The following AREL1 variants were observed in gnomAD, a reference collection of about 807,000 sequenced individuals.
AREL1 encodes apoptosis resistant E3 ubiquitin protein ligase 1.
Under a neutral mutation model 99.0 loss-of-function variants are expected in AREL1, and 62 were observed. The ratio of observed to expected loss-of-function variants is 0.63; its 90% confidence interval spans 0.51 to 0.77. The LOEUF (loss-of-function observed/expected upper bound fraction) is 0.77, where lower values mean the gene tolerates loss of function less well. Among genes scored for constraint, AREL1 ranks in the 30% least tolerant of loss-of-function variants. AREL1 has a pLI of 0.00. For missense variants in AREL1, 879 were observed against 1,027.6 expected, an observed-to-expected ratio of 0.86 and a Z score of 1.98; for synonymous variants, 380 against 376.5, an observed-to-expected ratio of 1.01 and a Z score of -0.11.
intron 1 of AREL1, among the ~76,000 whole-genome samples, chr14:74,696,296 A>G (rs1224809003): frequency 6.6e-6 from 1 of 152,252 alleles, no homozygotes; most frequent in Non-Finnish European, 1.5e-5. Flanking sequence ...TAGGAAAAGA[A>G]TTACAAAACT....
At chr14:74,675,658 T>C (rs1047303952) in intron 8 of AREL1, 41 bp downstream of exon 8, 6 of 1,597,560 alleles carry the variant, frequency 3.8e-6, no homozygotes, top group Non-Finnish European at 5.1e-6. Context: ...TACACACAGG[T>C]TCAAGCAGGG....
intron 1 of AREL1, among the ~76,000 whole-genome samples, chr14:74,702,218 T>C (rs182682564): frequency 6.2e-4 from 95 of 152,244 alleles, no homozygotes; most frequent in African/African-American, 2.0e-3. Flanking sequence ...CAACCCCACA[T>C]TTCCCCCCAA....
In AREL1 at chr14:74,663,964, G is replaced by A. The variant is rs759974019; in HGVS notation, c.2304C>T (p.Ala768=). The A allele has an allele frequency of 5.0e-6, 8 of 1,614,032 alleles. No homozygotes were observed. Among genetic ancestry groups the A allele is most frequent in the Non-Finnish European group, 6.8e-6 (8 of 1,180,028 alleles). The part of the protein sequence containing the change: ...SSQLPPGGFA[A]LCPSFQIIAA... ...CAATAATCTGAAATGAGGGACAGAG[G>A]GCGGCAAAGCCTCCAGGTGGTAGCT... The change falls in exon 19 of 20, where the codon GCC becomes GCT. Residue 768 remains alanine, a synonymous_variant. Transcript: ENST00000356357.
At chr14:74,690,968 T>A (rs1184610433) in intron 2 of AREL1, 1 of 151,848 alleles carries the variant, frequency 6.6e-6, no homozygotes, top group Non-Finnish European at 1.5e-5. Flanking sequence ...AAGCTGGGCT[T>A]AAGGTTGCTG....
intron 2 of AREL1, 143 bp from the exon 3 acceptor site, chr14:74,685,803 G>C (rs2089736170): frequency 1.5e-6 from 1 of 662,990 alleles, no homozygotes; most frequent in Admixed American, 2.9e-5. Context: ...TTTCTAGCTT[G>C]ACAGGTGCCG....
In AREL1 at chr14:74,667,609, A is replaced by G; in HGVS notation, c.1915-15T>C. On this transcript the variant is annotated splice_polypyrimidine_tract_variant and intron_variant, in intron 15 of 19. Transcript: ENST00000356357. Reference sequence around the variant, plus strand: ...AGTTCTACAACCTGTAACAGGCAGCAAAAGACAGACAAGGGAGAGGCTGTG... The same window carrying G: ...AGTTCTACAACCTGTAACAGGCAGCGAAAGACAGACAAGGGAGAGGCTGTG... 1 of 1,592,342 alleles carries G rather than the reference A, an allele frequency of 6.3e-7. No homozygotes were observed. Among genetic ancestry groups the G allele is most frequent in the Non-Finnish European group, 8.6e-7 (1 of 1,168,222 alleles).
At position 74,664,879 on chromosome 14, in the gene AREL1, G is replaced by A. The variant is rs370811935; in HGVS notation, c.2150C>T (p.Ala717Val). Residue 717 changes from alanine to valine, a missense_variant, in exon 18 of 20, where the codon GCC becomes GTC. Coordinates refer to ENST00000356357, the MANE Select transcript of AREL1 (RefSeq NM_001039479.2). The part of the protein sequence containing the change: ...TGDISVSDFK[A>V]HAVVVGGSWH... ...TGAGCCACCAACAACTACTGCATGG[G>A]CTTTGAAGTCAGACACACTGATGTC... The A allele has an allele frequency of 8.1e-6, 13 of 1,613,758 alleles. No homozygotes were observed. The African/African-American group carries it at 1.5e-4, about 18-fold the overall frequency.
rs1438654290 is a variant in AREL1 at position 74,676,301 on chromosome 14, CTCT to C, written c.669_671del (p.Glu224del). On this transcript the variant is annotated inframe_deletion, in exon 7 of 20. Transcript: ENST00000356357. ...ATTTCTCAAATGAGACACCAGTACT[CTCT>C]TCTTCTTGAGGGCCGAGCTATAGGA... The C allele has an allele frequency of 3.1e-6, 5 of 1,614,070 alleles. No individual in the cohort carries two copies. The highest frequency in any genetic ancestry group is 1.1e-5 in the South Asian group (1 of 91,066).
chr14:74,693,091 G>A (rs921349519), intron 1 of AREL1, among the ~76,000 whole-genome samples: 1 of 152,050 alleles, frequency 6.6e-6, no homozygotes, highest in South Asian at 2.1e-4. Flanking sequence ...TGCAGCACAG[G>A]GTCTGGAGCA....
At chr14:74,684,894 C>CA (rs2139922845) in intron 3 of AREL1, among the ~76,000 whole-genome samples, 1 of 152,320 alleles carries the variant, frequency 6.6e-6, no homozygotes, top group East Asian at 1.9e-4. Context: ...AAAGCCCACC[C>CA]ACTGCCTATT....
intron 2 of AREL1, among the ~76,000 whole-genome samples, chr14:74,689,559 G>C (rs1440640082): frequency 6.8e-6 from 1 of 146,162 alleles, no homozygotes; most frequent in African/African-American, 2.5e-5. Context: ...AATCTCCATA[G>C]AACATTGTTT....
chr14:74,666,057 CTGAGCTG>C (rs774459538), intron 17 of AREL1, among the ~76,000 whole-genome samples: 19 of 152,182 alleles, frequency 1.2e-4, no homozygotes, highest in Non-Finnish European at 2.5e-4. Flanking sequence ...AAACTTTAGG[CTGAGCTG>C]TGGAGAGTTC....
Position 74,676,362 on chromosome 14 carries a change from T to C in AREL1, c.652-41A>G, listed in dbSNP as rs1162924782. The C allele has an allele frequency of 2.5e-6, 4 of 1,595,184 alleles. No homozygotes were observed. The East Asian group carries it at 9.0e-5, about 36-fold the overall frequency. ...AGAGCATCACTTAACATATAGTATT[T>C]TCCCATTTACAAGCCACTTTACTCC... On this transcript the variant is annotated intron_variant, in intron 6 of 19. Coordinates refer to ENST00000356357, the MANE Select transcript of AREL1 (RefSeq NM_001039479.2).
At chr14:74,699,006 G>A (rs2090027561) in intron 1 of AREL1, 1 of 153,578 alleles carries the variant, frequency 6.5e-6, no homozygotes, top group South Asian at 1.9e-4. Flanking sequence ...ACCGTGTGAA[G>A]AGCAAGACTC....
chr14:74,668,151 A>G (rs2089249602), intron 15 of AREL1, among the ~76,000 whole-genome samples: 1 of 152,176 alleles, frequency 6.6e-6, no homozygotes, highest in African/African-American at 2.4e-5. Flanking sequence ...GCCCCTCCAG[A>G]CCTTAGGGGA....
rs369603208 is a variant in AREL1 at position 74,663,884 on chromosome 14, C to T, written c.2369+15G>A. The stretch of plus-strand genomic sequence containing the variant: ...CCAAAAACACTGGGCATGCATCAGG[C>T]GGGCAGATACCTACCATGTGTGTGC... On this transcript the variant is annotated intron_variant, in intron 19 of 19. Transcript: ENST00000356357. 8.1e-6 allele frequency: 13 copies of T among 1,614,026 alleles called. No homozygotes were observed. The highest frequency in any genetic ancestry group is 3.3e-5 in the South Asian group (3 of 91,080).
intron 5 of AREL1, among the ~76,000 whole-genome samples, chr14:74,681,808 G>T (rs2089635918): frequency 6.6e-6 from 1 of 151,658 alleles, no homozygotes; most frequent in African/African-American, 2.4e-5. Flanking sequence ...AACAGGTTGG[G>T]GGGGATAGGT....
At position 74,673,190 on chromosome 14, in the gene AREL1, T is replaced by C; in HGVS notation, c.1187A>G (p.His396Arg). The C allele has an allele frequency of 6.2e-7, 1 of 1,614,112 alleles. No individual in the cohort carries two copies. Among genetic ancestry groups the C allele is most frequent in the Non-Finnish European group, 8.5e-7 (1 of 1,180,020 alleles). The change falls in exon 10 of 20, where the codon CAT becomes CGT. Residue 396 changes from histidine (H) to arginine (R), a missense_variant. His to Arg is a conservative substitution (Grantham distance 29). Transcript: ENST00000356357. ...ATCCACCACCAGTGTGAGCAGCTTA[T>C]GGACAGGGTCAGGACCAAGGTATGA... Reference protein sequence around the residue: ...KFSYLGPDPVHKLLTLVVDDG... With the variant: ...KFSYLGPDPVRKLLTLVVDDG...
At position 74,667,613 on chromosome 14, in the gene AREL1, G is replaced by C. The variant is rs767376617; in HGVS notation, c.1915-19C>G. On this transcript the variant is annotated intron_variant, in intron 15 of 19. Coordinates refer to ENST00000356357, the MANE Select transcript of AREL1 (RefSeq NM_001039479.2). ...CTACAACCTGTAACAGGCAGCAAAA[G>C]ACAGACAAGGGAGAGGCTGTGGATG... is the stretch of plus-strand genomic sequence containing the variant. The C allele has an allele frequency of 6.3e-7, 1 of 1,589,756 alleles. No homozygotes were observed. Among genetic ancestry groups the C allele is most frequent in the Admixed American group, 1.8e-5 (1 of 57,136 alleles).
Sources: allele counts gnomAD v4.1 joint callset (sites outside exome capture counted in the v4.1 genomes callset), GRCh38; gene constraint gnomAD v4.1.1; transcripts MANE v1.5; gene names NCBI Gene and HGNC (gene_info 2026-07-23, HGNC 2026-07-21).